The following PCDHGB7 variants were observed in gnomAD, a reference collection of about 807,000 sequenced individuals.
PCDHGB7 encodes the protein protocadherin gamma subfamily B, 7.
A neutral mutation model predicts 61.4 loss-of-function variants in PCDHGB7; 37 were observed. That is an observed-to-expected ratio of 0.60 (90% confidence interval 0.46 to 0.79). The LOEUF (loss-of-function observed/expected upper bound fraction) is 0.79, where lower values mean the gene tolerates loss of function less well. Among genes scored for constraint, PCDHGB7 ranks in the 30% least tolerant of loss-of-function variants. PCDHGB7 has a pLI of 0.00. For missense variants in PCDHGB7, 1,166 were observed against 1,202.5 expected (o/e 0.97, Z 0.45); for synonymous variants, 464 against 503.5 (o/e 0.92, Z 1.05).
chr5:141,436,051 A>G (rs2097793554), intron 1 of PCDHGB7, among the ~76,000 whole-genome samples: 1 of 152,194 alleles, frequency 6.6e-6, no homozygotes, highest in Admixed American at 6.5e-5. Flanking sequence ...ATTAGTTTTC[A>G]AATAGAATTT....
Position 141,491,987 on chromosome 5 carries a change from T to A in PCDHGB7, c.2416-2820T>A. The A allele has an allele frequency of 1.4e-6, 1 of 736,922 alleles. No individual in the cohort carries two copies. The highest frequency in any genetic ancestry group is 2.0e-6 in the Non-Finnish European group (1 of 490,378). The allele number at this position is 736,922 out of a possible 1,614,324, so 45.6% of individuals were successfully genotyped here. On this transcript the variant is annotated intron_variant, in intron 1 of 3. Coordinates refer to ENST00000398594, the MANE Select transcript of PCDHGB7 (RefSeq NM_018927.4). The surrounding 1 kb of genome is among the most constrained non-coding windows in gnomAD (Gnocchi z 6.9). ...GCCGGGGCCTCCTTCGAGCTTCCGG[T>A]GAATTTCGGGCGATTTCCGCGGGTG...
chr5:141,464,823 C>T (rs890811354), intron 1 of PCDHGB7, among the ~76,000 whole-genome samples: 5 of 151,986 alleles, frequency 3.3e-5, no homozygotes, highest in African/African-American at 1.2e-4. Flanking sequence ...ACTGTAGCCT[C>T]GCACTCCTGG....
At chr5:141,463,773 C>A (rs2099069188) in intron 1 of PCDHGB7, among the ~76,000 whole-genome samples, 1 of 152,088 alleles carries the variant, frequency 6.6e-6, no homozygotes, top group Non-Finnish European at 1.5e-5. Context: ...GGGTTAGAAT[C>A]CTGCACTGTC....
At chr5:141,446,208 G>GAT (rs1387839424) in intron 1 of PCDHGB7, among the ~76,000 whole-genome samples, 1 of 152,156 alleles carries the variant, frequency 6.6e-6, no homozygotes, top group Non-Finnish European at 1.5e-5. Context: ...CTAGGTGTCT[G>GAT]AAAATATTGT....
chr5:141,423,759 G>GGC, intron 1 of PCDHGB7: 9 of 321,042 alleles, frequency 2.8e-5, no homozygotes, highest in Non-Finnish European at 3.6e-5. Context: ...TTGGGGGGGG[G>GGC]GTGGGGCGGC....
intron 1 of PCDHGB7, chr5:141,478,545 A>T: frequency 6.2e-7 from 1 of 1,605,606 alleles, no homozygotes; most frequent in Admixed American, 1.7e-5. Context: ...CCTCCCGGAC[A>T]GGTAAGGTTT....
Position 141,489,087 on chromosome 5 carries a change from TGA to T in PCDHGB7, c.2416-5719_2416-5718del. The T allele has an allele frequency of 4.6e-6, 1 of 216,098 alleles. No individual in the cohort carries two copies. 13.4% of individuals were successfully genotyped at this position (216,098 alleles called of 1,614,324 possible). ...CCCCCTGCCCACCCCCGCCACTCGGTGACTAAGAACTGCTGCAAGCAGGCAAA... is the reference window on the plus strand; with the variant it reads ...CCCCCTGCCCACCCCCGCCACTCGGTCTAAGAACTGCTGCAAGCAGGCAAA... On this transcript the variant is annotated intron_variant, in intron 1 of 3. Transcript: ENST00000398594. The surrounding 1 kb of genome is among the most constrained non-coding windows in gnomAD (Gnocchi z 4.5).
intron 3 of PCDHGB7, 154 bp from the exon 4 acceptor site, chr5:141,510,793 G>A: frequency 1.1e-6 from 1 of 935,078 alleles, no homozygotes; most frequent in Non-Finnish European, 1.3e-6. Context: ...CTCTTGTGAA[G>A]AGAGACTACC....
At chr5:141,448,480 C>A (rs889742803) in intron 1 of PCDHGB7, among the ~76,000 whole-genome samples, 1 of 152,184 alleles carries the variant, frequency 6.6e-6, no homozygotes, top group Admixed American at 6.6e-5. Flanking sequence ...ACCCTTGCTT[C>A]CTCCTGTCCC....
chr5:141,470,707 TA>T (rs1207543665), intron 1 of PCDHGB7, among the ~76,000 whole-genome samples: 1 of 152,164 alleles, frequency 6.6e-6, no homozygotes, highest in African/African-American at 2.4e-5. Flanking sequence ...ATTTTTATTT[TA>T]TTTTTTTGAG....
At position 141,420,872 on chromosome 5, in the gene PCDHGB7, G is replaced by A. The variant is rs575322685; in HGVS notation, c.2415+598G>A. 3.3e-5 allele frequency among the ~76,000 whole-genome samples: 5 copies of A among 152,328 alleles called. No homozygotes were observed. The East Asian group carries it at 7.7e-4, about 24-fold the overall frequency. On this transcript the variant is annotated intron_variant, in intron 1 of 3. Coordinates refer to ENST00000398594, the MANE Select transcript of PCDHGB7 (RefSeq NM_018927.4). ...AAAGTTTTAACGTCACATAATGTAA[G>A]TATTGTGTATCATCGTTTTTAAGCT...
At chr5:141,481,811 G>T (rs1050821120) in intron 1 of PCDHGB7, among the ~76,000 whole-genome samples, 3 of 151,892 alleles carry the variant, frequency 2.0e-5, no homozygotes, top group Admixed American at 1.3e-4. Flanking sequence ...AATTCACCAG[G>T]CGTGGTGGCT....
intron 1 of PCDHGB7, among the ~76,000 whole-genome samples, chr5:141,460,445 G>A (rs896549154): frequency 7.2e-5 from 11 of 152,144 alleles, no homozygotes; most frequent in Admixed American, 5.9e-4. Flanking sequence ...AGGTAACAAT[G>A]AAGATTCATA....
At chr5:141,478,417 C>G in intron 1 of PCDHGB7, 1 of 1,613,652 alleles carries the variant, frequency 6.2e-7, no homozygotes, top group Non-Finnish European at 8.5e-7. Context: ...CGGACTCCCG[C>G]CGCAGCGACC....
intron 3 of PCDHGB7, among the ~76,000 whole-genome samples, chr5:141,510,504 G>A (rs371169260): frequency 1.3e-5 from 2 of 152,154 alleles, no homozygotes; most frequent in African/African-American, 4.8e-5. Flanking sequence ...AAGGAACTGA[G>A]AGCCCGTGTC....
rs776132438 is a variant in PCDHGB7 at position 141,432,197 on chromosome 5, G to A, written c.2415+11923G>A. The A allele has an allele frequency of 2.5e-6, 4 of 1,614,112 alleles. No individual in the cohort carries two copies. The South Asian group carries it at 3.3e-5, about 13-fold the overall frequency. The stretch of plus-strand genomic sequence containing the variant: ...CGTCTCTGTGACCGCCCACGACCCC[G>A]ACTGTGAAGAGAACGCCCAGATCAC... On this transcript the variant is annotated intron_variant, in intron 1 of 3. Coordinates refer to ENST00000398594, the MANE Select transcript of PCDHGB7 (RefSeq NM_018927.4). The surrounding 1 kb of genome is among the most constrained non-coding windows in gnomAD (Gnocchi z 6.0).
Position 141,486,785 on chromosome 5 carries a change from C to G in PCDHGB7, c.2416-8022C>G, listed in dbSNP as rs763174232. The G allele has an allele frequency of 2.8e-5, 45 of 1,614,102 alleles. No homozygotes were observed. The highest frequency in any genetic ancestry group is 3.6e-5 in the Non-Finnish European group (42 of 1,180,050). On this transcript the variant is annotated intron_variant, in intron 1 of 3. Coordinates refer to ENST00000398594, the MANE Select transcript of PCDHGB7 (RefSeq NM_018927.4). The surrounding 1 kb of genome is among the most constrained non-coding windows in gnomAD (Gnocchi z 5.0). ...GACACTGCAGTTTGAGGTGCAGGCC[C>G]GGGATCGGGGCAACCCACCCCTTAG... is the stretch of plus-strand genomic sequence containing the variant.
Position 141,486,589 on chromosome 5 carries a change from C to T in PCDHGB7, c.2416-8218C>T. On this transcript the variant is annotated intron_variant, in intron 1 of 3. Transcript: ENST00000398594. The surrounding 1 kb of genome is among the most constrained non-coding windows in gnomAD (Gnocchi z 5.0). ...TTCCTGAGAACAATCGCCCAGGGGA[C>T]CTGCTTTGCTCCCTTGCAGCCTCTG... 1 of 1,613,676 alleles carries T rather than the reference C, an allele frequency of 6.2e-7. No individual in the cohort carries two copies. Among genetic ancestry groups the T allele is most frequent in the African/African-American group, 1.3e-5 (1 of 75,064 alleles).
At chr5:141,422,038 G>A (rs949164524) in intron 1 of PCDHGB7, 9 of 1,611,746 alleles carry the variant, frequency 5.6e-6, no homozygotes, top group Non-Finnish European at 7.6e-6. Context: ...AACGGATCCA[G>A]ACGAGGGAAT....
Sources: gnomAD v4.1 joint callset for allele counts (sites outside exome capture counted in the v4.1 genomes callset) on GRCh38, gnomAD v4.1.1 for gene constraint, Gnocchi (gnomAD v3.1) non-coding constraint, MANE v1.5 for transcripts, NCBI Gene and HGNC (gene_info 2026-07-23, HGNC 2026-07-21) for gene names.